TBPL1: variants seen among roughly 807,000 people sequenced by gnomAD.
TBPL1 encodes TATA box-binding protein-like 1.
A neutral mutation model predicts 22.1 loss-of-function variants in TBPL1; 4 were observed. That is an observed-to-expected ratio of 0.18 (90% confidence interval 0.09 to 0.41). The LOEUF is 0.41. Among genes scored for constraint, TBPL1 ranks in the 10% least tolerant of loss-of-function variants. TBPL1 has a pLI of 1.00. For synonymous variants in TBPL1, 64 were observed against 71.0 expected, an observed-to-expected ratio of 0.90 and a Z score of 0.50; for missense variants, 115 against 222.3, an observed-to-expected ratio of 0.52 and a Z score of 3.07.
chr6:133,980,106 T>C lies in TBPL1; in HGVS notation c.-20T>C. ...GGATGTGATCTTCGTGGTGGAAAGC[T>C]AAATTTTAAAACCACCCCAATGGAT... On this transcript the variant is annotated 5_prime_UTR_variant, in exon 2 of 7. Transcript: ENST00000237264. 6.8e-7 allele frequency: 1 copy of C among 1,476,504 alleles called. No homozygotes were observed. The highest frequency in any genetic ancestry group is 9.0e-7 in the Non-Finnish European group (1 of 1,110,084). The allele number at this position is 1,476,504 out of a possible 1,614,324, so 91.5% of individuals were successfully genotyped here.
intron 1 of TBPL1, among the ~76,000 whole-genome samples, chr6:133,967,945 A>G (rs1776148756): frequency 6.6e-6 from 1 of 152,158 alleles, no homozygotes; most frequent in Non-Finnish European, 1.5e-5. Context: ...AGAGCCTAGG[A>G]CCATGTGCTT....
At chr6:133,984,750 G>A in intron 6 of TBPL1, 79 bp downstream of exon 6, 1 of 1,256,680 alleles carries the variant, frequency 8.0e-7, no homozygotes, top group South Asian at 1.3e-5. Flanking sequence ...TAGAAATAAT[G>A]TGTGATTTGT....
In TBPL1 at chr6:133,983,593, G is replaced by A. The variant is rs59836292; in HGVS notation, c.282+713G>A. The stretch of plus-strand genomic sequence containing the variant: ...TGCTTGAGAAGGGTGGCAGTAGAGA[G>A]AGGCTTGAGTTGTACTGTGATTTGA... On this transcript the variant is annotated intron_variant, in intron 4 of 6. Transcript: ENST00000237264. Among the ~76,000 whole-genome samples, 534 of 152,246 alleles carry A rather than the reference G, an allele frequency of 3.5e-3. 2 individuals are homozygous for A. The highest frequency in any genetic ancestry group is 0.011 in the African/African-American group (466 of 41,538).
chr6:133,956,407 A>G (rs1775927769), intron 1 of TBPL1, among the ~76,000 whole-genome samples: 1 of 152,210 alleles, frequency 6.6e-6, no homozygotes, highest in African/African-American at 2.4e-5. Context: ...ACTTGTAGGT[A>G]GCAGAGAAAT....
chr6:133,958,505 A>G (rs187991331), intron 1 of TBPL1, among the ~76,000 whole-genome samples: 3 of 152,344 alleles, frequency 2.0e-5, no homozygotes, highest in Admixed American at 6.5e-5. Context: ...GGTAAAGCTA[A>G]AAACAAATAC....
chr6:133,974,565 G>C (rs1776281288), intron 1 of TBPL1, among the ~76,000 whole-genome samples: 1 of 152,200 alleles, frequency 6.6e-6, no homozygotes, highest in Non-Finnish European at 1.5e-5. Flanking sequence ...CTGACCTCGT[G>C]ATCCACTCAC....
chr6:133,961,578 C>T lies in TBPL1; in HGVS notation c.-45+8153C>T, dbSNP rs181496728. Among the ~76,000 whole-genome samples the T allele has an allele frequency of 2.0e-5, 3 of 147,098 alleles. No individual in the cohort carries two copies. In the Admixed American group the frequency reaches 2.1e-4, roughly 10 times the overall value. ...CCGCCTCCCGAGTTCAAGCATTCTTCTGCCTCAGCCTCCTGGGTAGCTGGG... is the reference window on the plus strand; with the variant it reads ...CCGCCTCCCGAGTTCAAGCATTCTTTTGCCTCAGCCTCCTGGGTAGCTGGG... On this transcript the variant is annotated intron_variant, in intron 1 of 6. Transcript: ENST00000237264.
chr6:133,962,294 A>G (rs895538725), intron 1 of TBPL1, among the ~76,000 whole-genome samples: 5 of 152,224 alleles, frequency 3.3e-5, no homozygotes, highest in African/African-American at 9.7e-5. Context: ...TAATCCTGGT[A>G]GCTATTTGGT....
intron 1 of TBPL1, among the ~76,000 whole-genome samples, chr6:133,974,070 G>A (rs1374842024): frequency 1.3e-5 from 2 of 149,746 alleles, no homozygotes; most frequent in East Asian, 1.9e-4. Context: ...TAACATTTTG[G>A]CAGATATAAC....
chr6:133,955,076 CTG>C (rs1562653571), intron 1 of TBPL1, among the ~76,000 whole-genome samples: 3 of 151,958 alleles, frequency 2.0e-5, no homozygotes, highest in African/African-American at 7.3e-5. Flanking sequence ...GAATCAAAGA[CTG>C]TTGCTTAATC....
intron 6 of TBPL1, 115 bp from the exon 7 acceptor site, chr6:133,986,846 A>G (rs1776534670): frequency 1.7e-6 from 1 of 598,414 alleles, no homozygotes; most frequent in Non-Finnish European, 2.8e-6. Context: ...CTTTTTTTTA[A>G]CAGTTAACTT....
At chr6:133,972,743 A>G (rs1776246858) in intron 1 of TBPL1, among the ~76,000 whole-genome samples, 1 of 152,162 alleles carries the variant, frequency 6.6e-6, no homozygotes, top group Non-Finnish European at 1.5e-5. Flanking sequence ...CAAGTTTTGC[A>G]TCAATTCATT....
intron 1 of TBPL1, among the ~76,000 whole-genome samples, chr6:133,959,493 T>C (rs954035829): frequency 1.3e-5 from 2 of 152,158 alleles, no homozygotes; most frequent in African/African-American, 4.8e-5. Flanking sequence ...CTTTTTGTTT[T>C]GTTTTGGAGA....
intron 1 of TBPL1, among the ~76,000 whole-genome samples, chr6:133,976,410 G>A (rs1218726639): frequency 6.6e-6 from 1 of 152,192 alleles, no homozygotes; most frequent in Non-Finnish European, 1.5e-5. Context: ...TTAGAATTTA[G>A]TAGGGGAAAT....
rs1445473431 is a variant in TBPL1, at chr6:133,989,045, G to A, written c.*2005G>A. On this transcript the variant is annotated 3_prime_UTR_variant, in exon 7 of 7. Transcript: ENST00000237264. The stretch of plus-strand genomic sequence containing the variant: ...GAAGTGCTTTATCTGAAGGGAGAGG[G>A]TAAAGACAGTGTGACCAGGTTTGTT... 2 of 152,116 alleles carry A rather than the reference G, an allele frequency of 1.3e-5. No homozygotes were observed. Among genetic ancestry groups the A allele is most frequent in the Non-Finnish European group, 2.9e-5 (2 of 68,024 alleles). The allele number at this position is 152,116 out of a possible 1,614,324, so 9.4% of individuals were successfully genotyped here.
intron 2 of TBPL1, among the ~76,000 whole-genome samples, chr6:133,981,565 G>T (rs1040148780): frequency 6.6e-6 from 1 of 152,164 alleles, no homozygotes; most frequent in African/African-American, 2.4e-5. Context: ...TCAGTCAAGT[G>T]TTTCTCAGTC....
chr6:133,983,670 G>C (rs972470215), intron 4 of TBPL1, among the ~76,000 whole-genome samples: 4 of 152,164 alleles, frequency 2.6e-5, no homozygotes, highest in African/African-American at 9.7e-5. Context: ...TGTGTGCAAG[G>C]CTGAGTTGAA....
At chr6:133,975,088 G>A (rs936974489) in intron 1 of TBPL1, among the ~76,000 whole-genome samples, 1 of 152,050 alleles carries the variant, frequency 6.6e-6, no homozygotes, top group Non-Finnish European at 1.5e-5. Flanking sequence ...TGGAAGGAAG[G>A]AAACAATGGA....
Position 133,988,458 on chromosome 6 carries a change from A to G in TBPL1, c.*1418A>G, listed in dbSNP as rs1562670888. ...CAATATTCCAACACAATGTTCCACA[A>G]AAACTTGTATTTCCAAAATGTTTTT... On this transcript the variant is annotated 3_prime_UTR_variant, in exon 7 of 7. Transcript: ENST00000237264. The G allele has an allele frequency of 6.6e-6, 1 of 152,212 alleles. No individual in the cohort carries two copies. The highest frequency in any genetic ancestry group is 2.1e-4 in the South Asian group (1 of 4,836). 9.4% of individuals were successfully genotyped at this position (152,212 alleles called of 1,614,324 possible). A position where few individuals can be genotyped will look rare whatever the true frequency, so the allele number is the denominator to read the frequency against.
Sources: allele counts gnomAD v4.1 joint callset (sites outside exome capture counted in the v4.1 genomes callset), GRCh38; gene constraint gnomAD v4.1.1; transcripts MANE v1.5; gene names NCBI Gene and HGNC (gene_info 2026-07-23, HGNC 2026-07-21).